Variants in PCDHGA7 observed in about 807,000 individuals in gnomAD.
PCDHGA7 encodes the protein protocadherin gamma subfamily A, 7.
Under a neutral mutation model 58.3 loss-of-function variants are expected in PCDHGA7, and 44 were observed. The ratio of observed to expected loss-of-function variants is 0.75; its 90% CI spans 0.59 to 0.97. The LOEUF (loss-of-function observed/expected upper bound fraction) is 0.97. Among genes scored for constraint, PCDHGA7 ranks in the 50% least tolerant of loss-of-function variants. The pLI is 0.00. For synonymous variants in PCDHGA7, 516 were observed against 504.2 expected, an observed-to-expected ratio of 1.02 and a Z score of -0.31; for missense variants, 1,266 against 1,188.7, an observed-to-expected ratio of 1.06 and a Z score of -0.96.
In PCDHGA7 at chr5:141,432,012, A is replaced by G. The variant is rs756906117; in HGVS notation, c.2424+46689A>G. ...TTGGATAGGGAACAGGTTCCTAGCT[A>G]CAACATCACAGTGACCGCCACTGAC... On this transcript the variant is annotated intron_variant, in intron 1 of 3. Transcript: ENST00000518325. The surrounding 1 kb of genome is among the most constrained non-coding windows in gnomAD (Gnocchi z 6.0). The G allele has an allele frequency of 1.1e-5, 18 of 1,614,056 alleles. No homozygotes were observed. The highest frequency in any genetic ancestry group is 1.3e-5 in the Non-Finnish European group (15 of 1,180,008).
At chr5:141,439,547 T>C (rs2098120171) in intron 1 of PCDHGA7, among the ~76,000 whole-genome samples, 2 of 152,180 alleles carry the variant, frequency 1.3e-5, no homozygotes, top group Non-Finnish European at 2.9e-5. Context: ...CTCTCATTTC[T>C]TCAGGCTGCA....
At chr5:141,500,562 T>A (rs2099801387) in intron 2 of PCDHGA7, among the ~76,000 whole-genome samples, 1 of 152,202 alleles carries the variant, frequency 6.6e-6, no homozygotes, top group Admixed American at 6.5e-5. Flanking sequence ...CACAAACTTG[T>A]CACACTTTCA....
intron 1 of PCDHGA7, chr5:141,409,705 G>A (rs747252229): frequency 6.2e-6 from 10 of 1,613,134 alleles, no homozygotes; most frequent in Non-Finnish European, 7.6e-6. Flanking sequence ...CCCTGGCGGT[G>A]TCGTCATACG....
intron 1 of PCDHGA7, chr5:141,413,792 G>C (rs1390056342): frequency 6.2e-7 from 1 of 1,613,134 alleles, no homozygotes; most frequent in South Asian, 1.1e-5. Context: ...TCCCTAGATC[G>C]CGAGGAAGAG....
rs1055747392 is a variant in PCDHGA7 at position 141,490,298 on chromosome 5, C to G, written c.2425-4509C>G. 6.2e-7 allele frequency: 1 copy of G among 1,614,178 alleles called. No individual in the cohort carries two copies. The highest frequency in any genetic ancestry group is 1.3e-5 in the African/African-American group (1 of 75,036). On this transcript the variant is annotated intron_variant, in intron 1 of 3. Transcript: ENST00000518325. The surrounding 1 kb of genome is among the most constrained non-coding windows in gnomAD (Gnocchi z 5.4). ...GACAATGCCCCAGAGGTGCTATTGG[C>G]CTCTTTGGCCAACCCTGTCCTAGAG...
intron 3 of PCDHGA7, among the ~76,000 whole-genome samples, chr5:141,510,117 T>C (rs1205620535): frequency 6.6e-6 from 1 of 151,908 alleles, no homozygotes; most frequent in East Asian, 1.9e-4. Context: ...TGTTTTGAAA[T>C]ACAAAAATTA....
intron 1 of PCDHGA7, chr5:141,420,367 T>C: frequency 7.3e-7 from 1 of 1,360,684 alleles, no homozygotes; most frequent in Non-Finnish European, 9.7e-7. Flanking sequence ...CTAGATAACT[T>C]CTTCATAGAG....
intron 1 of PCDHGA7, chr5:141,441,530 A>T (rs2154559371): frequency 5.8e-6 from 1 of 172,118 alleles, no homozygotes; most frequent in Non-Finnish European, 1.2e-5. Flanking sequence ...GCCAAGAACA[A>T]TCTTCCCAAA....
chr5:141,389,712 A>G, intron 1 of PCDHGA7: 1 of 1,612,620 alleles, frequency 6.2e-7, no homozygotes, highest in East Asian at 2.2e-5. Context: ...GCTGCAGGCT[A>G]GCGAGCCCGG....
chr5:141,409,351 G>T, intron 1 of PCDHGA7: 1 of 1,613,982 alleles, frequency 6.2e-7, no homozygotes, highest in South Asian at 1.1e-5. Flanking sequence ...GAGAAGTCAG[G>T]TGTAATATAG....
intron 1 of PCDHGA7, chr5:141,427,607 T>C (rs1157037825): frequency 1.5e-6 from 1 of 688,594 alleles, no homozygotes; most frequent in Non-Finnish European, 2.7e-6. Context: ...TACGCATTGG[T>C]GAAGTCAACG....
intron 1 of PCDHGA7, chr5:141,424,778 T>G (rs1009835492): frequency 1.3e-5 from 2 of 152,166 alleles, no homozygotes; most frequent in African/African-American, 4.8e-5. Flanking sequence ...AATAGTACAT[T>G]CAGTTCTTTT....
intron 3 of PCDHGA7, among the ~76,000 whole-genome samples, chr5:141,508,986 G>C (rs1298630784): frequency 2.0e-5 from 3 of 152,148 alleles, no homozygotes; most frequent in Non-Finnish European, 4.4e-5. Context: ...GTGGGGGCCA[G>C]CTGGGGTAGG....
In PCDHGA7 at chr5:141,490,959, C is replaced by T. The variant is rs1385897960; in HGVS notation, c.2425-3848C>T. ...TGCACCCACGGCCAGACTGGGAACA[C>T]TCAGCCCCCCAGCGTCTCCCTCGCT... On this transcript the variant is annotated intron_variant, in intron 1 of 3. Transcript: ENST00000518325. The surrounding 1 kb of genome is among the most constrained non-coding windows in gnomAD (Gnocchi z 5.4). 6.2e-7 allele frequency: 1 copy of T among 1,613,844 alleles called. No individual in the cohort carries two copies. Among genetic ancestry groups the T allele is most frequent in the South Asian group, 1.1e-5 (1 of 91,038 alleles).
At chr5:141,393,337 A>G (rs556749112) in intron 1 of PCDHGA7, 28 of 1,613,772 alleles carry the variant, frequency 1.7e-5, no homozygotes, top group African/African-American at 5.3e-5. Flanking sequence ...CTCAGCCCCA[A>G]TCACCACTTC....
rs1226558966 is a variant in PCDHGA7, at chr5:141,432,589, G to C, written c.2424+47266G>C. The C allele has an allele frequency of 6.2e-7, 1 of 1,613,916 alleles. No homozygotes were observed. The highest frequency in any genetic ancestry group is 8.5e-7 in the Non-Finnish European group (1 of 1,179,974). The stretch of plus-strand genomic sequence containing the variant: ...CCTGGCTGTCCTACCGTCTGCTCAA[G>C]GCCAGCGAGCCGGGACTCTTCTCGG... On this transcript the variant is annotated intron_variant, in intron 1 of 3. Coordinates refer to ENST00000518325, the MANE Select transcript of PCDHGA7 (RefSeq NM_018920.4). The surrounding 1 kb of genome is among the most constrained non-coding windows in gnomAD (Gnocchi z 6.0).
intron 1 of PCDHGA7, among the ~76,000 whole-genome samples, chr5:141,473,107 C>A (rs2099314182): frequency 6.6e-6 from 1 of 152,134 alleles, no homozygotes; most frequent in Admixed American, 6.5e-5. Flanking sequence ...TATTACCACA[C>A]TTTACTTGGC....
chr5:141,472,980 C>CAAAAAAAAAAAAAAAAAAAAAAA (rs60579131), intron 1 of PCDHGA7, among the ~76,000 whole-genome samples: 6 of 86,066 alleles, frequency 7.0e-5, no homozygotes, highest in Non-Finnish European at 1.0e-4. Context: ...GAGTGAAACT[C>CAAAAAAAAAAAAAAAAAAAAAAA]AAAAAAAAAA....
At chr5:141,456,827 G>A (rs183303757) in intron 1 of PCDHGA7, among the ~76,000 whole-genome samples, 13 of 152,236 alleles carry the variant, frequency 8.5e-5, no homozygotes, top group South Asian at 2.1e-4. Flanking sequence ...AGCCATCGTG[G>A]TAGTGGGCGC....
Sources: allele counts gnomAD v4.1 joint callset (sites outside exome capture counted in the v4.1 genomes callset), GRCh38; gene constraint gnomAD v4.1.1; non-coding constraint Gnocchi (gnomAD v3.1); transcripts MANE v1.5; gene names NCBI Gene and HGNC (gene_info 2026-07-23, HGNC 2026-07-21).